GAS6: variants seen among roughly 807,000 people sequenced by gnomAD.
GAS6 encodes growth arrest specific 6, also known as growth arrest-specific protein 6.
A neutral mutation model predicts 75.8 loss-of-function variants in GAS6; 41 were observed. The observed-to-expected ratio is 0.54, with a 90% CI of 0.42 to 0.70. GAS6 has a LOEUF of 0.70. GAS6 is among the 30% of genes least tolerant of loss of function. The pLI, the probability that GAS6 is intolerant of heterozygous loss-of-function variation, is 0.00. For synonymous variants in GAS6, 432 were observed against 412.6 expected (o/e 1.05, Z -0.57); for missense variants, 854 against 940.2 (o/e 0.91, Z 1.20).
intron 2 of GAS6, among the ~76,000 whole-genome samples, chr13:113,859,772 G>A (rs189239981): frequency 5.1e-4 from 78 of 152,244 alleles, no homozygotes; most frequent in African/African-American, 1.7e-3. Flanking sequence ...CTGTGTGTGG[G>A]AGTGTGCTGC....
chr13:113,862,600 T>C (rs1401429757), intron 2 of GAS6, among the ~76,000 whole-genome samples: 2 of 152,134 alleles, frequency 1.3e-5, no homozygotes, highest in African/African-American at 4.8e-5. Flanking sequence ...TCTGCAGGGA[T>C]GAGCTATGTC....
In GAS6 at chr13:113,834,532, G is replaced by A. The variant is rs769369431; in HGVS notation, c.834+19C>T. The A allele has an allele frequency of 2.5e-4, 386 of 1,529,910 alleles. No homozygotes were observed. The highest frequency in any genetic ancestry group is 3.1e-4 in the Non-Finnish European group (352 of 1,141,150). 94.8% of individuals were successfully genotyped at this position (1,529,910 alleles called of 1,614,324 possible). ...CCCGGAACCACCGTGAAGGGCCCGC[G>A]GGGCCAGGGGCCGCCTACCTCACAG... is the stretch of plus-strand genomic sequence containing the variant. On this transcript the variant is annotated intron_variant, in intron 8 of 14. Transcript: ENST00000327773.
At chr13:113,823,695 AAC>A in intron 12 of GAS6, 145 bp from the exon 13 acceptor site, 1 of 814,552 alleles carries the variant, frequency 1.2e-6, no homozygotes, top group Non-Finnish European at 1.9e-6. Flanking sequence ...TGGAAAACTC[AAC>A]AGACTGGTTC....
rs201889960 is a variant in GAS6 at position 113,841,989 on chromosome 13, CCA to C, written c.344-2141_344-2140del. On this transcript the variant is annotated intron_variant, in intron 4 of 14. Coordinates refer to ENST00000327773, the MANE Select transcript of GAS6 (RefSeq NM_000820.4). ...TACGCCTCAATTTTCTCTGTACGCC[CCA>C]CAGTTTCCTCCATATGCCTCAGTTT... 707 of 133,456 alleles carry C rather than the reference CCA, an allele frequency of 5.3e-3. 61 individuals carry two copies. The highest frequency in any genetic ancestry group is 0.013 in the Admixed American group (166 of 13,052). The allele number at this position is 133,456 out of a possible 1,614,324, so 8.3% of individuals were successfully genotyped here.
chr13:113,833,623 C>T lies in GAS6; in HGVS notation c.835-871G>A, dbSNP rs191118515. On this transcript the variant is annotated intron_variant, in intron 8 of 14. Coordinates refer to ENST00000327773, the MANE Select transcript of GAS6 (RefSeq NM_000820.4). Reference sequence around the variant, plus strand: ...TGTGACAGGCACCGGTGTGACAGGTCGGTGTGACAGGCACCAGTGTGACAG... The same window carrying T: ...TGTGACAGGCACCGGTGTGACAGGTTGGTGTGACAGGCACCAGTGTGACAG... 866 of 1,015,128 alleles carry T rather than the reference C, an allele frequency of 8.5e-4. 3 individuals carry two copies. Among genetic ancestry groups the T allele is most frequent in the Admixed American group, 9.1e-4 (15 of 16,452 alleles). 62.9% of individuals were successfully genotyped at this position (1,015,128 alleles called of 1,614,324 possible).
In GAS6 at chr13:113,837,031, G is replaced by A. The variant is rs1054455416; in HGVS notation, c.589+1038C>T. Among the ~76,000 whole-genome samples the A allele has an allele frequency of 4.0e-5, 6 of 151,750 alleles. No individual in the cohort carries two copies. The highest frequency in any genetic ancestry group is 4.2e-4 in the South Asian group (2 of 4,806). On this transcript the variant is annotated intron_variant, in intron 6 of 14. Coordinates refer to ENST00000327773, the MANE Select transcript of GAS6 (RefSeq NM_000820.4). This position sits in a 1 kb window ranked among gnomAD's most constrained non-coding sequence, Gnocchi z 5.1. ...GTGCCCGACTGGTGCAGGGACCCAC[G>A]GGAGATGCTTTAGACGTCATCTCTC...
intron 2 of GAS6, among the ~76,000 whole-genome samples, chr13:113,858,041 C>G (rs1295736086): frequency 6.6e-6 from 1 of 152,228 alleles, no homozygotes; most frequent in Non-Finnish European, 1.5e-5. Flanking sequence ...GGGCTCCGGC[C>G]CCTCAGGCAG....
At chr13:113,850,333 C>T (rs1008932177) in intron 2 of GAS6, among the ~76,000 whole-genome samples, 2 of 152,036 alleles carry the variant, frequency 1.3e-5, no homozygotes, top group Admixed American at 6.6e-5. Flanking sequence ...CTCAGGAGGC[C>T]GGAATTTAGA....
chr13:113,833,976 C>T (rs999721952), intron 8 of GAS6, among the ~76,000 whole-genome samples: 6 of 102,390 alleles, frequency 5.9e-5, no homozygotes, highest in Non-Finnish European at 4.0e-5. Flanking sequence ...TGTGACAGGC[C>T]CCGGTGTGAC....
Position 113,839,745 on chromosome 13 carries a change from C to A in GAS6, c.449G>T (p.Gly150Val), listed in dbSNP as rs760682494. The change falls in exon 5 of 15, where the codon GGC (glycine) becomes GTC (valine). Residue 150 changes from glycine (G) to valine (V), a missense_variant. By Grantham distance (109) the Gly-to-Val change is moderately radical. Coordinates refer to ENST00000327773, the MANE Select transcript of GAS6 (RefSeq NM_000820.4). Reference protein sequence around the residue: ...FFCLCKAGWGGRLCDKDVNEC... With the variant: ...FFCLCKAGWGVRLCDKDVNEC... ...TCACGTACCTTTGTCGCAGAGCCGG[C>A]CCCCCCAGCCAGCTTTACACAGGCA... 6.2e-7 allele frequency: 1 copy of A among 1,613,332 alleles called. No homozygotes were observed. Among genetic ancestry groups the A allele is most frequent in the East Asian group, 2.2e-5 (1 of 44,846 alleles).
rs368930462 is a variant in GAS6, at chr13:113,839,774, G to A, written c.420C>T (p.Phe140=). 9.3e-6 allele frequency: 15 copies of A among 1,614,056 alleles called. No individual in the cohort carries two copies. In the South Asian group the frequency reaches 1.4e-4, roughly 15 times the overall value. ...CCCAGCCAGCTTTACACAGGCAGAAGAAGTTGCCCATGAGGTCCTGGCAGG... is the reference window on the plus strand; with the variant it reads ...CCCAGCCAGCTTTACACAGGCAGAAAAAGTTGCCCATGAGGTCCTGGCAGG... ...TQACQDLMGN[F]FCLCKAGWGG... The change falls in exon 5 of 15, where the codon TTC becomes TTT. Residue 140 remains phenylalanine (F), a synonymous_variant. Coordinates refer to ENST00000327773, the MANE Select transcript of GAS6 (RefSeq NM_000820.4).
In GAS6 at chr13:113,827,117, G is replaced by C. The variant is rs545606097; in HGVS notation, c.1356C>G (p.Asn452Lys). The C allele has an allele frequency of 1.9e-6, 3 of 1,613,280 alleles. No individual in the cohort carries two copies. The Admixed American group carries it at 5.0e-5, about 27-fold the overall frequency. Residue 452 changes from asparagine (N) to lysine (K), a missense_variant, in exon 12 of 15, where the codon AAC becomes AAG. Asn to Lys is a moderately conservative substitution (Grantham distance 94). Transcript: ENST00000327773. ...DGCMRSWNWL[N>K]GEDTTIQETV... ...TTTCCTGGATGGTGGTGTCTTCTCC[G>C]TTCAGCCAGTTCCAGCTCCTCATGC...
intron 11 of GAS6, among the ~76,000 whole-genome samples, 177 bp from the exon 12 acceptor site, chr13:113,827,341 C>T (rs904915474): frequency 1.3e-5 from 2 of 152,208 alleles, no homozygotes; most frequent in African/African-American, 2.4e-5. Context: ...CACAACGCCT[C>T]ACTGCAGAAT....
intron 2 of GAS6, among the ~76,000 whole-genome samples, chr13:113,851,145 A>G (rs1044829177): frequency 6.7e-6 from 1 of 149,974 alleles, no homozygotes; most frequent in Non-Finnish European, 1.5e-5. Context: ...ATGGAGATGG[A>G]TGGATAAATG....
At chr13:113,831,352 G>A (rs1410905189) in intron 10 of GAS6, among the ~76,000 whole-genome samples, 4 of 152,126 alleles carry the variant, frequency 2.6e-5, no homozygotes, top group Admixed American at 1.3e-4. Flanking sequence ...GGACCGCAGC[G>A]TCCACGCCGT....
chr13:113,822,324 CT>C, intron 13 of GAS6, 138 bp from the exon 14 acceptor site: 1 of 632,964 alleles, frequency 1.6e-6, no homozygotes, highest in Non-Finnish European at 2.6e-6. Context: ...AGCCCTGGGT[CT>C]GGATGCTCGC....
intron 2 of GAS6, among the ~76,000 whole-genome samples, chr13:113,862,827 C>T (rs1375203868): frequency 1.3e-5 from 2 of 152,226 alleles, no homozygotes; most frequent in Non-Finnish European, 2.9e-5. Flanking sequence ...ATCACCCTGA[C>T]TTCAGGGCGG....
At chr13:113,853,060 G>C (rs1288884392) in intron 2 of GAS6, among the ~76,000 whole-genome samples, 3 of 152,172 alleles carry the variant, frequency 2.0e-5, no homozygotes, top group Non-Finnish European at 4.4e-5. Flanking sequence ...GGTTTCCAGT[G>C]GTCTCTCGAT....
intron 2 of GAS6, among the ~76,000 whole-genome samples, chr13:113,852,745 G>A (rs536357182): frequency 6.6e-6 from 1 of 152,326 alleles, no homozygotes; most frequent in South Asian, 2.1e-4. Flanking sequence ...AGCATGGCAG[G>A]GAGCTGCACA....
Sources: allele counts gnomAD v4.1 joint callset (sites outside exome capture counted in the v4.1 genomes callset), GRCh38; gene constraint gnomAD v4.1.1; non-coding constraint Gnocchi (gnomAD v3.1); transcripts MANE v1.5; gene names NCBI Gene and HGNC (gene_info 2026-07-23, HGNC 2026-07-21).